Variants in RAB6B observed in about 807,000 individuals in gnomAD.
RAB6B encodes RAB6B, member RAS oncogene family, also known as ras-related protein Rab-6B.
In RAB6B, 7 loss-of-function variants were observed where a neutral mutation model predicts 31.2. The ratio of observed to expected loss-of-function variants is 0.22; its 90% CI spans 0.13 to 0.42. The LOEUF (loss-of-function observed/expected upper bound fraction) is 0.42, where lower values mean the gene tolerates loss of function less well. Ranked by LOEUF, RAB6B falls within the 10% of genes least tolerant of loss-of-function variation. RAB6B has a pLI of 1.00. For missense variants in RAB6B, 149 were observed against 280.6 expected (o/e 0.53, Z 3.35); for synonymous variants, 105 against 104.9 (o/e 1.00, Z -0.01).
chr3:133,860,419 G>T (rs1474115592), intron 2 of RAB6B, among the ~76,000 whole-genome samples: 1 of 152,152 alleles, frequency 6.6e-6, no homozygotes, highest in East Asian at 1.9e-4. Context: ...AAGCTGGGGG[G>T]ATTCTCTCCC....
chr3:133,869,668 C>A (rs2108006655), intron 1 of RAB6B, among the ~76,000 whole-genome samples: 1 of 152,350 alleles, frequency 6.6e-6, no homozygotes, highest in Non-Finnish European at 1.5e-5. Flanking sequence ...CTGTGGGAAT[C>A]CCAAGGCTAG....
chr3:133,853,433 C>T (rs1020870503), intron 2 of RAB6B, among the ~76,000 whole-genome samples: 6 of 151,366 alleles, frequency 4.0e-5, no homozygotes, highest in African/African-American at 1.2e-4. Context: ...GTGAAGAGGA[C>T]GCTCCACAGG....
intron 6 of RAB6B, among the ~76,000 whole-genome samples, chr3:133,835,229 T>C (rs564249306): frequency 6.6e-6 from 1 of 152,238 alleles, no homozygotes; most frequent in South Asian, 2.1e-4. Flanking sequence ...AGTTGTTTAT[T>C]GTGTGTAGGA....
chr3:133,829,969 A>G (rs1249754347), intron 7 of RAB6B, among the ~76,000 whole-genome samples: 1 of 152,200 alleles, frequency 6.6e-6, no homozygotes. Flanking sequence ...GTGTATGTAT[A>G]TGTATCTTAT....
At chr3:133,887,849 T>C (rs1471226828) in intron 1 of RAB6B, among the ~76,000 whole-genome samples, 2 of 152,144 alleles carry the variant, frequency 1.3e-5, no homozygotes, top group African/African-American at 4.8e-5. Flanking sequence ...GCTAGAACCA[T>C]GGCAGTGGGC....
chr3:133,864,676 T>C (rs1047684469), intron 1 of RAB6B, 34 bp from the exon 2 acceptor site: 7 of 1,590,624 alleles, frequency 4.4e-6, no homozygotes, highest in East Asian at 2.2e-5. Context: ...TGTTCAGTCA[T>C]GGCATCTGAG....
At chr3:133,870,094 C>A (rs1195374449) in intron 1 of RAB6B, among the ~76,000 whole-genome samples, 1 of 152,134 alleles carries the variant, frequency 6.6e-6, no homozygotes, top group Non-Finnish European at 1.5e-5. Context: ...GAGACTGGGT[C>A]ATTTATAAAG....
chr3:133,884,195 C>T (rs1270468455), intron 1 of RAB6B, among the ~76,000 whole-genome samples: 3 of 152,230 alleles, frequency 2.0e-5, no homozygotes, highest in South Asian at 2.1e-4. Context: ...TGCTCAGTAA[C>T]GTCCAGTGGG....
chr3:133,885,427 G>A (rs951591919), intron 1 of RAB6B: 66 of 698,288 alleles, frequency 9.5e-5, no homozygotes, highest in Middle Eastern at 4.6e-4. Flanking sequence ...ATCAGAGGAC[G>A]GGAACTCACA....
At chr3:133,866,240 A>T (rs2108004680) in intron 1 of RAB6B, among the ~76,000 whole-genome samples, 1 of 152,222 alleles carries the variant, frequency 6.6e-6, no homozygotes, top group African/African-American at 2.4e-5. Flanking sequence ...CCAGCCCTCA[A>T]CTCTGGGCGG....
intron 3 of RAB6B, 93 bp downstream of exon 3, chr3:133,841,517 C>A: frequency 6.5e-7 from 1 of 1,536,864 alleles, no homozygotes; most frequent in Non-Finnish European, 9.0e-7. Context: ...CTAGTGTCGG[C>A]AGGTGCTCTC....
chr3:133,885,963 T>C (rs570959927), intron 1 of RAB6B, among the ~76,000 whole-genome samples: 1 of 152,270 alleles, frequency 6.6e-6, no homozygotes, highest in South Asian at 2.1e-4. Context: ...CATTCTGCCT[T>C]CACCTTCTAA....
At chr3:133,890,180 G>C (rs569409676) in intron 1 of RAB6B, among the ~76,000 whole-genome samples, 2 of 152,236 alleles carry the variant, frequency 1.3e-5, no homozygotes, top group African/African-American at 4.8e-5. Flanking sequence ...GCAAGCTGAG[G>C]TCTGGTGTGT....
intron 1 of RAB6B, among the ~76,000 whole-genome samples, chr3:133,867,199 G>A (rs1021360468): frequency 1.3e-5 from 2 of 152,236 alleles, no homozygotes; most frequent in African/African-American, 4.8e-5. Flanking sequence ...ACTGGGAATT[G>A]TGCAGGAGGA....
intron 2 of RAB6B, 61 bp downstream of exon 2, chr3:133,864,523 A>G: frequency 6.5e-7 from 1 of 1,545,070 alleles, no homozygotes; most frequent in Non-Finnish European, 9.0e-7. Context: ...CAGCTCAGCA[A>G]GTTTCAAAGA....
chr3:133,865,064 C>T (rs1340025115), intron 1 of RAB6B, among the ~76,000 whole-genome samples: 5 of 152,258 alleles, frequency 3.3e-5, no homozygotes, highest in African/African-American at 9.6e-5. Context: ...GAAGCCTGCC[C>T]TTTATTTCCT....
chr3:133,858,068 C>T (rs1936107396), intron 2 of RAB6B, among the ~76,000 whole-genome samples: 1 of 152,150 alleles, frequency 6.6e-6, no homozygotes, highest in Non-Finnish European at 1.5e-5. Flanking sequence ...TATCTTTGAT[C>T]CCATCAGTGT....
chr3:133,893,544 A>G (rs1276256234), intron 1 of RAB6B, among the ~76,000 whole-genome samples: 1 of 152,202 alleles, frequency 6.6e-6, no homozygotes, highest in Non-Finnish European at 1.5e-5. Flanking sequence ...CACCAGAGAC[A>G]CTTTCTTCAC....
At chr3:133,885,396 T>G (rs1357136025) in intron 1 of RAB6B, 1 of 684,590 alleles carries the variant, frequency 1.5e-6, no homozygotes, top group Non-Finnish European at 2.7e-6. Flanking sequence ...GGCCAGAGGA[T>G]GGGCTGCTCA....
Sources: allele counts gnomAD v4.1 joint callset (sites outside exome capture counted in the v4.1 genomes callset), GRCh38; gene constraint gnomAD v4.1.1; transcripts MANE v1.5; gene names NCBI Gene and HGNC (gene_info 2026-07-23, HGNC 2026-07-21).